SLC44A1: variants seen among roughly 807,000 people sequenced by gnomAD.
The protein encoded by SLC44A1 is choline transporter-like protein 1.
SLC44A1 carries 26 observed loss-of-function variants against 79.3 expected under a neutral mutation model. That is an observed-to-expected ratio of 0.33 (90% CI 0.24 to 0.46). The LOEUF is 0.46. Ranked by LOEUF, SLC44A1 falls within the 20% of genes least tolerant of loss-of-function variation. The pLI is 1.00. For missense variants in SLC44A1, 688 were observed against 798.1 expected (o/e 0.86, Z 1.66); for synonymous variants, 263 against 286.2 (o/e 0.92, Z 0.82).
At chr9:105,317,228 G>C (rs376512214) in intron 3 of SLC44A1, among the ~76,000 whole-genome samples, 4 of 152,168 alleles carry the variant, frequency 2.6e-5, no homozygotes, top group East Asian at 3.9e-4. Flanking sequence ...TCTCAGTCTT[G>C]AATCTCTCTG....
chr9:105,264,475 A>G (rs1022240717), intron 1 of SLC44A1, among the ~76,000 whole-genome samples: 5 of 152,126 alleles, frequency 3.3e-5, no homozygotes, highest in African/African-American at 1.2e-4. Context: ...CCTAATGTTT[A>G]GTCTTCATCT....
At chr9:105,416,016 G>A (rs1218709789) in intron 15 of SLC44A1, among the ~76,000 whole-genome samples, 1 of 149,110 alleles carries the variant, frequency 6.7e-6, no homozygotes, top group Admixed American at 6.9e-5. Context: ...ATTCTCCTAC[G>A]TCAGCCTCCC....
chr9:105,337,505 T>C (rs1826960330), intron 4 of SLC44A1, among the ~76,000 whole-genome samples: 1 of 152,220 alleles, frequency 6.6e-6, no homozygotes, highest in Admixed American at 6.5e-5. Context: ...TGTAATAGTC[T>C]TTCTGCCTCT....
intron 15 of SLC44A1, among the ~76,000 whole-genome samples, chr9:105,408,417 G>A (rs760017431): frequency 6.6e-6 from 1 of 152,082 alleles, no homozygotes; most frequent in Non-Finnish European, 1.5e-5. Context: ...TGTTGTTGTT[G>A]TTGTTGTATT....
chr9:105,433,491 C>A (rs1829425172), intron 15 of SLC44A1, among the ~76,000 whole-genome samples: 1 of 152,102 alleles, frequency 6.6e-6, no homozygotes, highest in Non-Finnish European at 1.5e-5. Flanking sequence ...TCATGCTCAG[C>A]AGACAGAAAG....
intron 15 of SLC44A1, chr9:105,385,935 C>T (rs191357364): frequency 3.1e-5 from 31 of 985,332 alleles, no homozygotes; most frequent in Admixed American, 2.5e-4. Context: ...CATACTCCCC[C>T]TTTTAAAAGT....
chr9:105,315,142 AC>A (rs1831286283), intron 3 of SLC44A1, among the ~76,000 whole-genome samples: 1 of 152,214 alleles, frequency 6.6e-6, no homozygotes, highest in Admixed American at 6.5e-5. Flanking sequence ...CATTAAAAAA[AC>A]TTTGAAAGGC....
chr9:105,340,333 A>G (rs1827048488), intron 4 of SLC44A1, among the ~76,000 whole-genome samples: 2 of 152,242 alleles, frequency 1.3e-5, no homozygotes, highest in Admixed American at 6.5e-5. Context: ...GAGTAGTCAA[A>G]TTTATATAGA....
chr9:105,296,455 G>A (rs1257649835), intron 1 of SLC44A1, among the ~76,000 whole-genome samples: 1 of 152,150 alleles, frequency 6.6e-6, no homozygotes, highest in Non-Finnish European at 1.5e-5. Flanking sequence ...TGAAAATTTA[G>A]GCATTAATGA....
intron 15 of SLC44A1, among the ~76,000 whole-genome samples, chr9:105,418,292 C>A (rs1298204154): frequency 2.8e-4 from 23 of 82,594 alleles, no homozygotes; most frequent in African/African-American, 1.0e-3. Context: ...CCAGCCTGGG[C>A]AACAAGAGCA....
intron 12 of SLC44A1, 70 bp from the exon 13 acceptor site, chr9:105,374,528 A>G (rs1828214012): frequency 5.5e-6 from 8 of 1,462,984 alleles, no homozygotes; most frequent in Middle Eastern, 1.8e-4. Flanking sequence ...TGTTTTAGCT[A>G]TGCTCAGTTT....
At chr9:105,425,155 C>T (rs1829304789) in intron 15 of SLC44A1, among the ~76,000 whole-genome samples, 2 of 152,038 alleles carry the variant, frequency 1.3e-5, no homozygotes, top group Admixed American at 1.3e-4. Context: ...AAAGTTATAT[C>T]ATGTACAACA....
chr9:105,309,639 A>G (rs906550912), intron 2 of SLC44A1, 85 bp from the exon 3 acceptor site: 32 of 1,268,936 alleles, frequency 2.5e-5, no homozygotes, highest in Non-Finnish European at 3.5e-5. Context: ...TTCAGCAGAC[A>G]AAAAGAAGCT....
intron 1 of SLC44A1, among the ~76,000 whole-genome samples, chr9:105,291,420 A>G (rs1327293646): frequency 6.6e-6 from 1 of 152,216 alleles, no homozygotes; most frequent in Non-Finnish European, 1.5e-5. Flanking sequence ...TTGGAGATGG[A>G]TGCATTCAGT....
chr9:105,353,325 G>A (rs1827510911), intron 5 of SLC44A1, among the ~76,000 whole-genome samples: 1 of 152,030 alleles, frequency 6.6e-6, no homozygotes, highest in African/African-American at 2.4e-5. Flanking sequence ...TAAGTTCAGG[G>A]CAGATATTAC....
At chr9:105,361,748 C>T (rs1054066417) in intron 8 of SLC44A1, among the ~76,000 whole-genome samples, 34 of 152,092 alleles carry the variant, frequency 2.2e-4, no homozygotes, top group Non-Finnish European at 1.8e-4. Flanking sequence ...AACTTTATGG[C>T]GTTATTTCAA....
intron 3 of SLC44A1, among the ~76,000 whole-genome samples, chr9:105,332,895 A>G (rs1826796569): frequency 6.6e-6 from 1 of 152,206 alleles, no homozygotes; most frequent in Admixed American, 6.5e-5. Context: ...CTTTATATAT[A>G]TTATTGATCA....
intron 15 of SLC44A1, among the ~76,000 whole-genome samples, chr9:105,415,510 T>A (rs1437595978): frequency 6.6e-6 from 1 of 152,140 alleles, no homozygotes. Context: ...GAGGCAGGAG[T>A]TCCAGCTGGA....
intron 4 of SLC44A1, among the ~76,000 whole-genome samples, chr9:105,344,582 C>T (rs1006620755): frequency 6.6e-6 from 1 of 151,918 alleles, no homozygotes; most frequent in African/African-American, 2.4e-5. Context: ...GAAAAGCATC[C>T]GAACATTGTA....
Sources: gnomAD v4.1 joint callset for allele counts (sites outside exome capture counted in the v4.1 genomes callset) on GRCh38, gnomAD v4.1.1 for gene constraint, MANE v1.5 for transcripts, NCBI Gene and HGNC (gene_info 2026-07-23, HGNC 2026-07-21) for gene names.